KCNT2: variants seen among roughly 807,000 people sequenced by gnomAD.
KCNT2 encodes the protein potassium channel subfamily T member 2.
KCNT2 carries 67 observed loss-of-function variants against 153.8 expected under a neutral mutation model. That is an observed-to-expected ratio of 0.44 (90% CI 0.36 to 0.53). The LOEUF is 0.53. Ranked by LOEUF, KCNT2 falls within the 20% of genes least tolerant of loss-of-function variation. The probability of loss-of-function intolerance (pLI) is 0.00; values close to 1 mark genes in which losing one functional copy is unlikely to be tolerated. For synonymous variants in KCNT2, 500 were observed against 458.8 expected (o/e 1.09, Z -1.15); for missense variants, 975 against 1,354.8 (o/e 0.72, Z 4.40).
chr1:196,230,243 T>C (rs565415293), intron 27 of KCNT2, among the ~76,000 whole-genome samples: 1 of 152,160 alleles, frequency 6.6e-6, no homozygotes, highest in South Asian at 2.1e-4. Flanking sequence ...TTTACCATTC[T>C]GGAAATCCTA....
At chr1:196,287,816 A>G (rs889020059) in intron 22 of KCNT2, among the ~76,000 whole-genome samples, 2 of 152,102 alleles carry the variant, frequency 1.3e-5, no homozygotes, top group African/African-American at 2.4e-5. Context: ...TAGAAGTATT[A>G]TGTGTTGAAT....
rs149030660 is a variant in KCNT2, at chr1:196,435,292, T to C, written c.639-5535A>G. ...TTACTTAACATAATATCATTTGAAA[T>C]AGTCAAGTACTAAAAGCAAGTAAAA... On this transcript the variant is annotated intron_variant, in intron 8 of 27. Coordinates refer to ENST00000294725, the MANE Select transcript of KCNT2 (RefSeq NM_198503.5). 5.1e-3 allele frequency among the ~76,000 whole-genome samples: 760 copies of C among 149,372 alleles called. 7 individuals are homozygous for C. Among genetic ancestry groups the C allele is most frequent in the African/African-American group, 0.018 (732 of 40,968 alleles).
Position 196,576,073 on chromosome 1 carries a change from TATATA to T in KCNT2, c.95+32137_95+32141del, listed in dbSNP as rs890920797. Among the ~76,000 whole-genome samples the T allele has an allele frequency of 0.016, 44 of 2,710 alleles. No individual in the cohort carries two copies. The Non-Finnish European group carries it at 0.43, about 26-fold the overall frequency. 1.8% of individuals were successfully genotyped at this position (2,710 alleles called of 152,430 possible). On this transcript the variant is annotated intron_variant, in intron 1 of 27. Transcript: ENST00000294725. ...AAATACTAGGCAGTGTGTTAGGTTT[TATATA>T]TATATATATATATGTGTGTGTGTGT...
At chr1:196,500,092 TGA>T (rs1402574023) in intron 1 of KCNT2, among the ~76,000 whole-genome samples, 1 of 149,856 alleles carries the variant, frequency 6.7e-6, no homozygotes, top group Non-Finnish European at 1.5e-5. Flanking sequence ...TGCAGTGAGC[TGA>T]GATTGCACAA....
Position 196,443,587 on chromosome 1 carries a change from G to A in KCNT2, c.639-13830C>T, listed in dbSNP as rs996977413. Among the ~76,000 whole-genome samples, 5 of 151,676 alleles carry A rather than the reference G, an allele frequency of 3.3e-5. No homozygotes were observed. In the South Asian group the frequency reaches 8.3e-4, roughly 25 times the overall value. On this transcript the variant is annotated intron_variant, in intron 8 of 27. Transcript: ENST00000294725. Reference sequence around the variant, plus strand: ...AAAGTATGAAAATGTACTAAAGGCAGGTTCAATAACCAGCTTGTGGAATCA... The same window carrying A: ...AAAGTATGAAAATGTACTAAAGGCAAGTTCAATAACCAGCTTGTGGAATCA...
At chr1:196,577,234 A>C (rs1661474690) in intron 1 of KCNT2, among the ~76,000 whole-genome samples, 3 of 152,148 alleles carry the variant, frequency 2.0e-5, no homozygotes, top group South Asian at 4.1e-4. Flanking sequence ...ACAACAACAA[A>C]AATGACAACA....
At chr1:196,411,459 A>AG (rs1416816171) in intron 12 of KCNT2, among the ~76,000 whole-genome samples, 2 of 149,758 alleles carry the variant, frequency 1.3e-5, no homozygotes, top group African/African-American at 2.5e-5. Flanking sequence ...AAAAAAAAAA[A>AG]AAAAAAAAAA....
At chr1:196,400,421 A>T (rs1167197959) in intron 12 of KCNT2, among the ~76,000 whole-genome samples, 2 of 151,782 alleles carry the variant, frequency 1.3e-5, no homozygotes, top group African/African-American at 2.4e-5. Flanking sequence ...TCAGTATCTA[A>T]TTAGACTTGG....
intron 13 of KCNT2, among the ~76,000 whole-genome samples, chr1:196,396,839 T>G (rs560707155): frequency 5.3e-5 from 8 of 151,558 alleles, no homozygotes; most frequent in African/African-American, 1.9e-4. Context: ...GTCCGTATTT[T>G]TTTTTAGCAG....
At chr1:196,366,222 C>T (rs186553217) in intron 14 of KCNT2, among the ~76,000 whole-genome samples, 244 of 151,636 alleles carry the variant, frequency 1.6e-3, no homozygotes, top group African/African-American at 5.5e-3. Context: ...TGCAATGGCG[C>T]GATCTCAGCT....
At chr1:196,382,918 C>T (rs961210911) in intron 13 of KCNT2, among the ~76,000 whole-genome samples, 1 of 151,744 alleles carries the variant, frequency 6.6e-6, no homozygotes, top group Non-Finnish European at 1.5e-5. Context: ...TCCAGGAGTG[C>T]CAGTCAAGGA....
chr1:196,278,256 T>A (rs994279265), intron 25 of KCNT2, among the ~76,000 whole-genome samples: 4 of 152,156 alleles, frequency 2.6e-5, no homozygotes, highest in African/African-American at 9.6e-5. Context: ...AACACTAACT[T>A]CTCAAAACAT....
chr1:196,279,885 A>G (rs1300004493), intron 25 of KCNT2, among the ~76,000 whole-genome samples: 1 of 152,110 alleles, frequency 6.6e-6, no homozygotes, highest in African/African-American at 2.4e-5. Context: ...TGCTTTCTAT[A>G]AAGTTCTTTT....
chr1:196,556,855 A>T (rs1021679342), intron 1 of KCNT2, among the ~76,000 whole-genome samples: 1 of 151,468 alleles, frequency 6.6e-6, no homozygotes, highest in African/African-American at 2.4e-5. Context: ...GGAGGTCATT[A>T]TGTTAAGTGA....
intron 26 of KCNT2, among the ~76,000 whole-genome samples, chr1:196,255,753 A>C (rs1266712605): frequency 1.3e-5 from 2 of 151,906 alleles, no homozygotes; most frequent in Non-Finnish European, 2.9e-5. Context: ...TTCAGAAATT[A>C]TGGATTTTGG....
intron 1 of KCNT2, among the ~76,000 whole-genome samples, chr1:196,544,348 G>A (rs904058242): frequency 6.6e-6 from 1 of 151,738 alleles, no homozygotes; most frequent in African/African-American, 2.4e-5. Context: ...GGCATATATT[G>A]GAAAAAGAAA....
chr1:196,362,682 GC>G (rs1667730816), intron 14 of KCNT2, among the ~76,000 whole-genome samples: 1 of 152,082 alleles, frequency 6.6e-6, no homozygotes, highest in Non-Finnish European at 1.5e-5. Context: ...CTCGAGTTAA[GC>G]TAAAATGTTT....
intron 23 of KCNT2, among the ~76,000 whole-genome samples, chr1:196,282,812 C>T (rs1202419866): frequency 6.6e-6 from 1 of 151,954 alleles, no homozygotes; most frequent in East Asian, 1.9e-4. Context: ...ATTCTTTTTC[C>T]ACAACACTTC....
intron 1 of KCNT2, among the ~76,000 whole-genome samples, chr1:196,549,956 G>A (rs566725693): frequency 2.8e-4 from 42 of 151,938 alleles, no homozygotes; most frequent in Non-Finnish European, 5.9e-4. Flanking sequence ...GAGTAGCAAC[G>A]AAGTGGAGAT....
Sources: allele counts gnomAD v4.1 joint callset (sites outside exome capture counted in the v4.1 genomes callset), GRCh38; gene constraint gnomAD v4.1.1; transcripts MANE v1.5; gene names NCBI Gene and HGNC (gene_info 2026-07-23, HGNC 2026-07-21).